Variants in SAG observed in about 807,000 individuals in gnomAD.
The protein encoded by SAG is S-antigen visual arrestin, also known as S-arrestin.
A neutral mutation model predicts 55.0 loss-of-function variants in SAG; 45 were observed. The observed-to-expected ratio is 0.82, with a 90% CI of 0.64 to 1.05. SAG has a LOEUF of 1.05. SAG is among the 50% of genes least tolerant of loss of function. The pLI is 0.00. For synonymous variants in SAG, 189 were observed against 197.4 expected, an observed-to-expected ratio of 0.96 and a Z score of 0.36; for missense variants, 455 against 512.1, an observed-to-expected ratio of 0.89 and a Z score of 1.08.
At chr2:233,329,372 T>G (rs531605186) in intron 8 of SAG, 121 bp from the exon 9 acceptor site, 1 of 688,182 alleles carries the variant, frequency 1.5e-6, no homozygotes, top group South Asian at 1.6e-5. Context: ...TCACTTCATC[T>G]TCCTTAAATT....
Position 233,347,040 on chromosome 2 carries a change from G to C in SAG, c.*128G>C, listed in dbSNP as rs532667455. 3.2e-6 allele frequency: 2 copies of C among 632,858 alleles called. No individual in the cohort carries two copies. Among genetic ancestry groups the C allele is most frequent in the South Asian group, 2.0e-5 (1 of 50,782 alleles). 39.2% of individuals were successfully genotyped at this position (632,858 alleles called of 1,614,324 possible). A position where few individuals can be genotyped will look rare whatever the true frequency, so the allele number is the denominator to read the frequency against. ...AGTCTTCTTCCGAGAAATAAAGCTT[G>C]TTTGTTCTCCCCTGGGTCATGAGTT... is the stretch of plus-strand genomic sequence containing the variant. On this transcript the variant is annotated 3_prime_UTR_variant, in exon 16 of 16. Coordinates refer to ENST00000409110, the MANE Select transcript of SAG (RefSeq NM_000541.5). The surrounding 1 kb of genome is among the most constrained non-coding windows in gnomAD (Gnocchi z 4.5).
chr2:233,314,792 G>C (rs775486171), intron 2 of SAG, among the ~76,000 whole-genome samples: 1 of 152,108 alleles, frequency 6.6e-6, no homozygotes, highest in Non-Finnish European at 1.5e-5. Context: ...GCTACGCTTC[G>C]GGACATCTGA....
rs1416711003 is a variant in SAG at position 233,329,484 on chromosome 2, C to G, written c.649-9C>G. 2 of 1,596,450 alleles carry G rather than the reference C, an allele frequency of 1.3e-6. No homozygotes were observed. Among genetic ancestry groups the G allele is most frequent in the East Asian group, 4.5e-5 (2 of 44,808 alleles). ...TCTCTTCTTCTGACCTATCTGCTGA[C>G]TTTTCTAGATCTATTTCCATGGGGA... On this transcript the variant is annotated splice_polypyrimidine_tract_variant and intron_variant, in intron 8 of 15. Coordinates refer to ENST00000409110, the MANE Select transcript of SAG (RefSeq NM_000541.5).
chr2:233,320,579 T>C (rs1004711611), intron 4 of SAG, 51 bp from the exon 5 acceptor site: 3 of 1,420,660 alleles, frequency 2.1e-6, no homozygotes, highest in African/African-American at 1.5e-5. Flanking sequence ...TCAGTGGTGG[T>C]GGGTGCCAGG....
intron 3 of SAG, among the ~76,000 whole-genome samples, chr2:233,317,786 G>A (rs1055919866): frequency 2.0e-5 from 3 of 151,832 alleles, no homozygotes; most frequent in Admixed American, 6.6e-5. Flanking sequence ...TGATTAGCAC[G>A]TTTTCTCTAT....
In SAG at chr2:233,336,103, A is replaced by C. The variant is rs3828306; in HGVS notation, c.944+1004A>C. ...CATTCGTGAAGCTCCGGGAGAGAGA[A>C]TATCAGGGAAACTGAGAGCCTAGAT... On this transcript the variant is annotated intron_variant, in intron 11 of 15. Coordinates refer to ENST00000409110, the MANE Select transcript of SAG (RefSeq NM_000541.5). Among the ~76,000 whole-genome samples the C allele has an allele frequency of 5.3e-5, 8 of 152,358 alleles. 1 individual carries two copies. In the East Asian group the frequency reaches 1.5e-3, roughly 29 times the overall value.
chr2:233,337,396 G>A (rs762552194), intron 11 of SAG, among the ~76,000 whole-genome samples: 6 of 152,030 alleles, frequency 3.9e-5, no homozygotes, highest in African/African-American at 1.2e-4. Flanking sequence ...CCACCACCAC[G>A]CCTGGCTAAT....
Position 233,320,739 on chromosome 2 carries a change from T to C in SAG, c.291T>C (p.Pro97=). 1 of 1,606,410 alleles carries C rather than the reference T, an allele frequency of 6.2e-7. No individual in the cohort carries two copies. The highest frequency in any genetic ancestry group is 2.2e-5 in the East Asian group (1 of 44,566). Residue 97 remains proline (P), a synonymous_variant, in exon 5 of 16, where the codon CCT becomes CCC. Coordinates refer to ENST00000409110, the MANE Select transcript of SAG (RefSeq NM_000541.5). ...LYFSRVQVYP[P]VGAASTPTKL... is the part of the protein sequence containing the mutation. Reference sequence around the variant, plus strand: ...TCTCCCGGGTCCAGGTGTATCCTCCTGTGGGGGCCGCGAGCACCCCCACAA... The same window carrying C: ...TCTCCCGGGTCCAGGTGTATCCTCCCGTGGGGGCCGCGAGCACCCCCACAA...
chr2:233,331,578 AG>A (rs1700763658), intron 9 of SAG, 61 bp from the exon 10 acceptor site: 1 of 1,059,724 alleles, frequency 9.4e-7, no homozygotes, highest in Admixed American at 1.8e-5. Flanking sequence ...GGGAGGCCGC[AG>A]GGAAAGTGCA....
chr2:233,329,705 G>A, intron 9 of SAG, 128 bp downstream of exon 9: 3 of 660,526 alleles, frequency 4.5e-6, no homozygotes, highest in Non-Finnish European at 5.4e-6. Context: ...TGTCTCTGCT[G>A]TCATAGGCAG....
rs1312521946 is a variant in SAG, at chr2:233,335,043, C to T, written c.888C>T (p.Gly296=). The T allele has an allele frequency of 3.7e-6, 6 of 1,613,914 alleles. No individual in the cohort carries two copies. The highest frequency in any genetic ancestry group is 2.2e-5 in the South Asian group (2 of 91,088). Reference sequence around the variant, plus strand: ...TGGCTAACAATCGAGAAAGGAGAGGCATTGCCCTGGATGGGAAAATCAAGC... The same window carrying T: ...TGGCTAACAATCGAGAAAGGAGAGGTATTGCCCTGGATGGGAAAATCAAGC... ...PLLANNRERR[G]IALDGKIKHE... Residue 296 remains glycine (G), a synonymous_variant, in exon 11 of 16, where the codon GGC becomes GGT. Transcript: ENST00000409110.
At chr2:233,326,444 G>T (rs1274616489) in intron 6 of SAG, among the ~76,000 whole-genome samples, 1 of 152,016 alleles carries the variant, frequency 6.6e-6, no homozygotes, top group Non-Finnish European at 1.5e-5. Context: ...AATCAGCCGG[G>T]CATGGTGGTG....
Position 233,342,782 on chromosome 2 carries a change from C to T in SAG, c.1102+456C>T, listed in dbSNP as rs1190590587. ...AGATAATTTTTTTTTTTTTTTGAGA[C>T]GGAGTCTCACTCTGTCACCCAGTCT... On this transcript the variant is annotated intron_variant, in intron 14 of 15. Transcript: ENST00000409110. The T allele has an allele frequency of 8.3e-5, 14 of 169,410 alleles. 1 individual carries two copies. In the South Asian group the frequency reaches 1.0e-3, roughly 12 times the overall value. The allele number at this position is 169,410 out of a possible 1,614,324, so 10.5% of individuals were successfully genotyped here.
chr2:233,340,871 T>A lies in SAG; in HGVS notation c.1046+393T>A, dbSNP rs998483789. On this transcript the variant is annotated intron_variant, in intron 13 of 15. Coordinates refer to ENST00000409110, the MANE Select transcript of SAG (RefSeq NM_000541.5). This position sits in a 1 kb window ranked among gnomAD's most constrained non-coding sequence, Gnocchi z 4.2. ...CTCTGTGGCCCAGCCTGGAGTGCAG[T>A]GACGTGATCTCGGCTCACCGTGACC... 2.6e-5 allele frequency among the ~76,000 whole-genome samples: 4 copies of A among 152,194 alleles called. No homozygotes were observed. Among genetic ancestry groups the A allele is most frequent in the Non-Finnish European group, 4.4e-5 (3 of 68,034 alleles).
chr2:233,321,965 A>G (rs1700392459), intron 5 of SAG, among the ~76,000 whole-genome samples: 1 of 150,432 alleles, frequency 6.6e-6, no homozygotes, highest in African/African-American at 2.5e-5. Context: ...TAACATGGTG[A>G]AACCCCGTCT....
intron 5 of SAG, among the ~76,000 whole-genome samples, chr2:233,321,054 T>G (rs1700366384): frequency 6.6e-6 from 1 of 152,224 alleles, no homozygotes; most frequent in African/African-American, 2.4e-5. Context: ...CATATTTCCC[T>G]TGACCCGACC....
chr2:233,340,740 A>T lies in SAG; in HGVS notation c.1046+262A>T, dbSNP rs1291132060. Among the ~76,000 whole-genome samples the T allele has an allele frequency of 2.1e-5, 3 of 143,806 alleles. No homozygotes were observed. Among genetic ancestry groups the T allele is most frequent in the Non-Finnish European group, 4.6e-5 (3 of 65,564 alleles). 94.3% of individuals were successfully genotyped at this position (143,806 alleles called of 152,430 possible). On this transcript the variant is annotated intron_variant, in intron 13 of 15. Transcript: ENST00000409110. This position sits in a 1 kb window ranked among gnomAD's most constrained non-coding sequence, Gnocchi z 4.2. ...CACACCCAGAAAACTGGCACACTCC[A>T]TGCAGCCAGCTTGTGTGTGTGTGTG...
intron 2 of SAG, among the ~76,000 whole-genome samples, chr2:233,311,851 C>T (rs1258081330): frequency 3.3e-5 from 5 of 152,166 alleles, no homozygotes; most frequent in African/African-American, 4.8e-5. Context: ...ACCAGCCAGG[C>T]GCGGTGGTTT....
Position 233,340,380 on chromosome 2 carries a change from C to T in SAG, c.1023-75C>T, listed in dbSNP as rs1429914237. ...AGGGCCATGAGAGCTGGGCTGTGTC[C>T]TGCCTCTGAATCATGGGAAAGGGTC... On this transcript the variant is annotated intron_variant, in intron 12 of 15. Coordinates refer to ENST00000409110, the MANE Select transcript of SAG (RefSeq NM_000541.5). The surrounding 1 kb of genome is among the most constrained non-coding windows in gnomAD (Gnocchi z 4.2). 5 of 1,352,546 alleles carry T rather than the reference C, an allele frequency of 3.7e-6. No homozygotes were observed. In the African/African-American group the frequency reaches 7.1e-5, roughly 19 times the overall value. 83.8% of individuals were successfully genotyped at this position (1,352,546 alleles called of 1,614,324 possible).
Sources: allele counts gnomAD v4.1 joint callset (sites outside exome capture counted in the v4.1 genomes callset), GRCh38; gene constraint gnomAD v4.1.1; non-coding constraint Gnocchi (gnomAD v3.1); transcripts MANE v1.5; gene names NCBI Gene and HGNC (gene_info 2026-07-23, HGNC 2026-07-21).